LRRC7: variants seen among roughly 807,000 people sequenced by gnomAD.
LRRC7 encodes leucine-rich repeat-containing protein 7.
Under a neutral mutation model 175.7 loss-of-function variants are expected in LRRC7, and 23 were observed. That is an observed-to-expected ratio of 0.13 (90% confidence interval 0.09 to 0.19). The LOEUF is 0.19. Among genes scored for constraint, LRRC7 ranks in the 10% least tolerant of loss-of-function variants. The pLI is 1.00. For synonymous variants in LRRC7, 685 were observed against 680.9 expected (o/e 1.01, Z -0.09); for missense variants, 1,354 against 1,904.7 (o/e 0.71, Z 5.38).
intron 26 of LRRC7, among the ~76,000 whole-genome samples, chr1:70,115,455 G>C (rs868382426): frequency 8.6e-5 from 13 of 151,444 alleles, no homozygotes; most frequent in Middle Eastern, 3.4e-3. Flanking sequence ...GTTTTGTTTT[G>C]TTTTGTTTAA....
intron 11 of LRRC7, among the ~76,000 whole-genome samples, chr1:69,998,122 A>AT (rs34840368): frequency 6.6e-6 from 1 of 152,098 alleles, no homozygotes; most frequent in Non-Finnish European, 1.5e-5. Context: ...GGAAAGCCTT[A>AT]TTTTTTTAAA....
intron 1 of LRRC7, among the ~76,000 whole-genome samples, chr1:69,657,109 T>A (rs548342910): frequency 0.069 from 10,477 of 151,280 alleles, 463 homozygotes; most frequent in African/African-American, 0.12. Flanking sequence ...ATACTTATAT[T>A]GTGTGTGTGT....
intron 1 of LRRC7, among the ~76,000 whole-genome samples, chr1:69,650,963 G>T (rs747402417): frequency 4.6e-5 from 7 of 152,178 alleles, no homozygotes; most frequent in Non-Finnish European, 8.8e-5. Context: ...TACAGCAGTA[G>T]TGACAAGTAT....
At chr1:69,813,479 C>A (rs1170822754) in intron 4 of LRRC7, among the ~76,000 whole-genome samples, 1 of 152,134 alleles carries the variant, frequency 6.6e-6, no homozygotes, top group Non-Finnish European at 1.5e-5. Context: ...TTTAAACCAT[C>A]CATACCTCCT....
chr1:69,739,007 A>C (rs1250104929), intron 2 of LRRC7, among the ~76,000 whole-genome samples: 1 of 152,062 alleles, frequency 6.6e-6, no homozygotes, highest in African/African-American at 2.4e-5. Flanking sequence ...TACTGGGTAT[A>C]ATACAAAATT....
intron 7 of LRRC7, among the ~76,000 whole-genome samples, chr1:69,916,938 A>G (rs2101722663): frequency 6.6e-6 from 1 of 152,266 alleles, no homozygotes; most frequent in East Asian, 1.9e-4. Context: ...TGGAAAATGG[A>G]CTAACTTATG....
intron 7 of LRRC7, among the ~76,000 whole-genome samples, chr1:69,883,078 G>A (rs1686803074): frequency 6.6e-6 from 1 of 151,984 alleles, no homozygotes; most frequent in Non-Finnish European, 1.5e-5. Context: ...AAACATACGT[G>A]TGCATGTGTC....
At chr1:69,719,269 G>A (rs947287239) in intron 2 of LRRC7, among the ~76,000 whole-genome samples, 1 of 151,686 alleles carries the variant, frequency 6.6e-6, no homozygotes, top group African/African-American at 2.4e-5. Context: ...ATTTCAGTCA[G>A]TATTTGGCAT....
chr1:69,751,861 C>G (rs112436779), intron 2 of LRRC7, among the ~76,000 whole-genome samples: 1 of 152,070 alleles, frequency 6.6e-6, no homozygotes, highest in Non-Finnish European at 1.5e-5. Context: ...GTATGCTTTT[C>G]TTCTTGATTT....
At chr1:69,656,625 CA>C (rs1656644765) in intron 1 of LRRC7, among the ~76,000 whole-genome samples, 1 of 152,084 alleles carries the variant, frequency 6.6e-6, no homozygotes, top group East Asian at 1.9e-4. Context: ...GTTATATTAT[CA>C]AACTCTGTTG....
At chr1:69,595,619 C>G (rs1039310835) in intron 1 of LRRC7, among the ~76,000 whole-genome samples, 1 of 152,164 alleles carries the variant, frequency 6.6e-6, no homozygotes, top group African/African-American at 2.4e-5. Flanking sequence ...CTTTCCCTGC[C>G]TTGGCTTTCC....
chr1:70,040,665 T>C (rs980121606), intron 21 of LRRC7, among the ~76,000 whole-genome samples: 1 of 151,836 alleles, frequency 6.6e-6, no homozygotes, highest in Non-Finnish European at 1.5e-5. Context: ...ACAAAAAAAA[T>C]TGGCCAGGCA....
intron 2 of LRRC7, among the ~76,000 whole-genome samples, chr1:69,726,309 T>A (rs2100799785): frequency 6.6e-6 from 1 of 152,266 alleles, no homozygotes; most frequent in Non-Finnish European, 1.5e-5. Flanking sequence ...TGAAAGAAAT[T>A]GGATGAAGAA....
At chr1:69,813,243 C>T (rs1678168223) in intron 4 of LRRC7, among the ~76,000 whole-genome samples, 1 of 152,128 alleles carries the variant, frequency 6.6e-6, no homozygotes, top group South Asian at 2.1e-4. Context: ...TTTCTTCTCT[C>T]TCATGTCACT....
At chr1:69,680,139 A>G (rs1660291756) in intron 2 of LRRC7, among the ~76,000 whole-genome samples, 1 of 152,050 alleles carries the variant, frequency 6.6e-6, no homozygotes, top group African/African-American at 2.4e-5. Context: ...AGCATCTGGG[A>G]ACTTGTTAAA....
intron 7 of LRRC7, among the ~76,000 whole-genome samples, chr1:69,889,171 G>A (rs1645754605): frequency 6.6e-6 from 1 of 152,180 alleles, no homozygotes; most frequent in African/African-American, 2.4e-5. Flanking sequence ...TTTCCTTGAT[G>A]TTAGTGACTG....
intron 11 of LRRC7, among the ~76,000 whole-genome samples, chr1:70,008,449 T>A (rs1341863235): frequency 6.6e-6 from 1 of 152,212 alleles, no homozygotes; most frequent in Non-Finnish European, 1.5e-5. Flanking sequence ...GCATATTACT[T>A]ATTGTCACTT....
rs1662744071 is a variant in LRRC7 at position 70,076,019 on chromosome 1, T to C, written c.4231-58T>C. On this transcript the variant is annotated intron_variant, in intron 23 of 26. Coordinates refer to ENST00000651989, the MANE Select transcript of LRRC7 (RefSeq NM_001370785.2). ...GAGGTATTCTGTACGTGCTTTCTAC[T>C]TTAATCACATCCTTTCAGCACCATG... 4 of 1,589,116 alleles carry C rather than the reference T, an allele frequency of 2.5e-6. No homozygotes were observed. In the Admixed American group the frequency reaches 6.7e-5, roughly 27 times the overall value.
At chr1:69,939,477 C>T (rs769925806) in intron 8 of LRRC7, among the ~76,000 whole-genome samples, 51 of 151,998 alleles carry the variant, frequency 3.4e-4, no homozygotes, top group Admixed American at 3.1e-3. Flanking sequence ...AAGAGCAAGT[C>T]CCTCTTCCTC....
Sources: allele counts gnomAD v4.1 joint callset (sites outside exome capture counted in the v4.1 genomes callset), GRCh38; gene constraint gnomAD v4.1.1; transcripts MANE v1.5; gene names NCBI Gene and HGNC (gene_info 2026-07-23, HGNC 2026-07-21).